The following NLRP6 variants were observed in gnomAD, a reference collection of about 807,000 sequenced individuals.
NLRP6 encodes the protein NLR family pyrin domain containing 6, also known as NACHT, LRR and PYD domains-containing protein 6.
Under a neutral mutation model 70.9 loss-of-function variants are expected in NLRP6, and 55 were observed. The ratio of observed to expected loss-of-function variants is 0.78; its 90% CI spans 0.62 to 0.97. NLRP6 has a LOEUF of 0.97. Ranked by LOEUF, NLRP6 falls within the 50% of genes least tolerant of loss-of-function variation. The pLI is 0.00. For synonymous variants in NLRP6, 652 were observed against 581.9 expected (o/e 1.12, Z -1.73); for missense variants, 1,241 against 1,238.3 (o/e 1.00, Z -0.03).
intron 5 of NLRP6, among the ~76,000 whole-genome samples, chr11:283,928 G>T (rs4758635): frequency 0.56 from 85,667 of 151,668 alleles, 24,395 homozygotes; most frequent in South Asian, 0.68. Context: ...AGGGAATAGC[G>T]GACTAAATAA....
rs1463262207 is a variant in NLRP6 at position 280,730 on chromosome 11, G to T, written c.996G>T (p.Gly332=). Residue 332 remains glycine, a synonymous_variant, in exon 4 of 8, where the codon GGG becomes GGT. Coordinates refer to ENST00000534750, the MANE Select transcript of NLRP6 (RefSeq NM_001276700.2). ...LLVTTRAAAP[G]RLQGRLCSPQ... ...TGACCACGCGCGCCGCCGCCCCCGG[G>T]AGGCTGCAGGGCCGCCTGTGTTCCC... is the stretch of plus-strand genomic sequence containing the variant. 1 of 1,585,564 alleles carries T rather than the reference G, an allele frequency of 6.3e-7. No individual in the cohort carries two copies. The highest frequency in any genetic ancestry group is 1.8e-5 in the Admixed American group (1 of 56,318).
At chr11:283,342 C>G (rs1448571462) in intron 5 of NLRP6, among the ~76,000 whole-genome samples, 2 of 145,544 alleles carry the variant, frequency 1.4e-5, no homozygotes, top group African/African-American at 5.2e-5. Context: ...GAGACGGAGC[C>G]TCGCTCTGTC....
rs1845420462 is a variant in NLRP6, at chr11:278,498, G to A, written c.-72G>A. ...ACCTCTAAGACTTGGCTCCAGCTCAGCCTGTGAAGGAATCACCTCTCTGAT... is the reference window on the plus strand; with the variant it reads ...ACCTCTAAGACTTGGCTCCAGCTCAACCTGTGAAGGAATCACCTCTCTGAT... On this transcript the variant is annotated 5_prime_UTR_variant, in exon 1 of 8. Transcript: ENST00000534750. The surrounding 1 kb of genome is among the most constrained non-coding windows in gnomAD (Gnocchi z 4.7). 1.5e-5 allele frequency: 20 copies of A among 1,321,460 alleles called. No individual in the cohort carries two copies. Among genetic ancestry groups the A allele is most frequent in the East Asian group, 2.7e-5 (1 of 36,566 alleles). The allele number at this position is 1,321,460 out of a possible 1,614,324, so 81.9% of individuals were successfully genotyped here.
Position 278,705 on chromosome 11 carries a change from CT to C in NLRP6, c.29+109del. ...CAGGCTCTCCACCCTTGTCCACATC[CT>C]TCCCCCACCCTCACTCCCAGGCTCA... On this transcript the variant is annotated intron_variant, in intron 1 of 7. Coordinates refer to ENST00000534750, the MANE Select transcript of NLRP6 (RefSeq NM_001276700.2). The surrounding 1 kb of genome is among the most constrained non-coding windows in gnomAD (Gnocchi z 4.7). 2 of 792,658 alleles carry C rather than the reference CT, an allele frequency of 2.5e-6. No homozygotes were observed. The highest frequency in any genetic ancestry group is 3.9e-6 in the Non-Finnish European group (2 of 517,802). The allele number at this position is 792,658 out of a possible 1,614,324, so 49.1% of individuals were successfully genotyped here.
intron 6 of NLRP6, 32 bp downstream of exon 6, chr11:284,432 G>A (rs377167171): frequency 6.4e-5 from 103 of 1,601,714 alleles, no homozygotes; most frequent in Middle Eastern, 5.0e-4. Context: ...ACCGTGGGAT[G>A]CCCCCGCCAC....
At chr11:282,915 C>A in intron 5 of NLRP6, 118 bp downstream of exon 5, 1 of 757,756 alleles carries the variant, frequency 1.3e-6, no homozygotes. Flanking sequence ...AGCCTGAGGC[C>A]TGTGGGTGCT....
chr11:285,103 C>A (rs902744912), intron 7 of NLRP6, 63 bp from the exon 8 acceptor site: 32 of 1,506,210 alleles, frequency 2.1e-5, no homozygotes, highest in Non-Finnish European at 2.8e-5. Flanking sequence ...CACGGCACTG[C>A]CCCCAAGCCC....
rs765331758 is a variant in NLRP6, at chr11:284,239, C to T, written c.2208C>T (p.His736=). ...TGCTTCTTGACCACAGGCTGTCCCACTGCAAACTCCCTGACGCGGTCTGCC... is the reference window on the plus strand; with the variant it reads ...TGCTTCTTGACCACAGGCTGTCCCATTGCAAACTCCCTGACGCGGTCTGCC... ...LCHLSSLTLS[H]CKLPDAVCRD... The change falls in exon 6 of 8, where the codon CAC becomes CAT. Residue 736 remains histidine, a synonymous_variant. Coordinates refer to ENST00000534750, the MANE Select transcript of NLRP6 (RefSeq NM_001276700.2). 6.2e-7 allele frequency: 1 copy of T among 1,613,176 alleles called. No individual in the cohort carries two copies. The highest frequency in any genetic ancestry group is 1.3e-5 in the African/African-American group (1 of 74,922).
intron 4 of NLRP6, among the ~76,000 whole-genome samples, chr11:282,441 C>T (rs1845492613): frequency 6.6e-6 from 1 of 152,142 alleles, no homozygotes; most frequent in South Asian, 2.1e-4. Flanking sequence ...AGGGGCTGGG[C>T]CTGGGGACCC....
At position 279,194 on chromosome 11, in the gene NLRP6, A is replaced by G. The variant is rs1196333513; in HGVS notation, c.30-133A>G. Reference sequence around the variant, plus strand: ...CCCCGTTGCCCCCTCCCGCCACCCCATGGATCCAGACGATGCTTGGCCCGG... The same window carrying G: ...CCCCGTTGCCCCCTCCCGCCACCCCGTGGATCCAGACGATGCTTGGCCCGG... On this transcript the variant is annotated intron_variant, in intron 1 of 7. Transcript: ENST00000534750. 4 of 755,620 alleles carry G rather than the reference A, an allele frequency of 5.3e-6. No individual in the cohort carries two copies. In the East Asian group the frequency reaches 1.1e-4, roughly 20 times the overall value. 46.8% of individuals were successfully genotyped at this position (755,620 alleles called of 1,614,324 possible).
At chr11:279,642 C>T (rs1215366253) in intron 2 of NLRP6, 35 bp downstream of exon 2, 1 of 1,383,850 alleles carries the variant, frequency 7.2e-7, no homozygotes, top group African/African-American at 1.5e-5. Context: ...CCTGTCTGGG[C>T]AGAGGCTGGG....
At position 280,843 on chromosome 11, in the gene NLRP6, G is replaced by T; in HGVS notation, c.1109G>T (p.Arg370Leu). 1 of 1,613,316 alleles carries T rather than the reference G, an allele frequency of 6.2e-7. No individual in the cohort carries two copies. The highest frequency in any genetic ancestry group is 8.5e-7 in the Non-Finnish European group (1 of 1,179,980). The change falls in exon 4 of 8, where the codon CGC becomes CTC. Residue 370 changes from arginine to leucine, a missense_variant. Arg to Leu is a moderately radical substitution (Grantham distance 102). Transcript: ENST00000534750. ...TTCCGGGATGAGAGGAGGGCCGAGCGCGCCTACCGCTTCGTGAAGGAGAAC... is the reference window on the plus strand; with the variant it reads ...TTCCGGGATGAGAGGAGGGCCGAGCTCGCCTACCGCTTCGTGAAGGAGAAC... ...KYFRDERRAE[R>L]AYRFVKENET... is the part of the protein sequence containing the mutation.
rs1380113314 is a variant in NLRP6, at chr11:281,179, A to C, written c.1445A>C (p.Lys482Thr). The C allele has an allele frequency of 1.9e-6, 3 of 1,613,098 alleles. No homozygotes were observed. The Admixed American group carries it at 5.0e-5, about 27-fold the overall frequency. Residue 482 changes from lysine to threonine, a missense_variant, in exon 4 of 8, where the codon AAA becomes ACA. Coordinates refer to ENST00000534750, the MANE Select transcript of NLRP6 (RefSeq NM_001276700.2). ...AAAGTGCAGACGCTGTTTCTCAGCA[A>C]AAAGGAGCTGCCGGGCGTGCTGGAG... ...GSKVQTLFLS[K>T]KELPGVLETE... is the part of the protein sequence containing the mutation.
chr11:279,784 C>T (rs770541726), intron 2 of NLRP6, 50 bp from the exon 3 acceptor site: 2 of 1,564,072 alleles, frequency 1.3e-6, no homozygotes, highest in Admixed American at 1.8e-5. Context: ...CCCGTGGCGC[C>T]TTCCCCTGTT....
Position 278,550 on chromosome 11 carries a change from C to G in NLRP6, c.-20C>G, listed in dbSNP as rs1311145657. 2.5e-6 allele frequency: 4 copies of G among 1,581,094 alleles called. No homozygotes were observed. The highest frequency in any genetic ancestry group is 1.4e-5 in the African/African-American group (1 of 72,922). On this transcript the variant is annotated 5_prime_UTR_variant, in exon 1 of 8. Coordinates refer to ENST00000534750, the MANE Select transcript of NLRP6 (RefSeq NM_001276700.2). The surrounding 1 kb of genome is among the most constrained non-coding windows in gnomAD (Gnocchi z 4.7). Reference sequence around the variant, plus strand: ...CCCACCTCTGCCCCGGAGTGCTAGACCCAGGGAGGAAGAGACCCCATGGAC... The same window carrying G: ...CCCACCTCTGCCCCGGAGTGCTAGAGCCAGGGAGGAAGAGACCCCATGGAC...
Position 281,512 on chromosome 11 carries a change from T to A in NLRP6, c.1778T>A (p.Val593Glu). 6 of 1,604,702 alleles carry A rather than the reference T, an allele frequency of 3.7e-6. No individual in the cohort carries two copies. Among genetic ancestry groups the A allele is most frequent in the Non-Finnish European group, 5.1e-6 (6 of 1,175,046 alleles). Residue 593 changes from valine (V) to glutamate (E), a missense_variant, in exon 4 of 8, where the codon GTG becomes GAG. Coordinates refer to ENST00000534750, the MANE Select transcript of NLRP6 (RefSeq NM_001276700.2). Reference protein sequence around the residue: ...GQGCPGVAPEVTEGAKGLEDT... With the variant: ...GQGCPGVAPEETEGAKGLEDT... ...GGCTGCCCCGGAGTGGCACCAGAGG[T>A]GACCGAGGGGGCCAAAGGGCTCGAG...
intron 4 of NLRP6, among the ~76,000 whole-genome samples, chr11:282,248 G>A (rs1056485938): frequency 3.9e-5 from 6 of 152,096 alleles, no homozygotes; most frequent in Non-Finnish European, 7.4e-5. Context: ...GCTGGCTGGG[G>A]ACCCAACTGG....
intron 4 of NLRP6, 73 bp from the exon 5 acceptor site, chr11:282,632 G>A (rs1055969136): frequency 4.2e-6 from 5 of 1,189,546 alleles, no homozygotes; most frequent in Non-Finnish European, 6.3e-6. Context: ...CAGGACTACA[G>A]ATAGACAGGA....
chr11:283,336 C>T (rs1327616129), intron 5 of NLRP6, among the ~76,000 whole-genome samples: 457 of 116,458 alleles, frequency 3.9e-3, no homozygotes, highest in African/African-American at 0.014. Flanking sequence ...TTTTTTGAGA[C>T]GGAGCCTCGC....
Sources: allele counts gnomAD v4.1 joint callset (sites outside exome capture counted in the v4.1 genomes callset), GRCh38; gene constraint gnomAD v4.1.1; non-coding constraint Gnocchi (gnomAD v3.1); transcripts MANE v1.5; gene names NCBI Gene and HGNC (gene_info 2026-07-23, HGNC 2026-07-21).